Variants in RHBDD1 observed in about 807,000 individuals in gnomAD.
The protein encoded by RHBDD1 is rhomboid domain containing 1, also known as rhomboid-related protein 4.
Under a neutral mutation model 36.3 loss-of-function variants are expected in RHBDD1, and 38 were observed. The observed-to-expected ratio is 1.05, with a 90% confidence interval of 0.81 to 1.37. The LOEUF (loss-of-function observed/expected upper bound fraction) is 1.37, where lower values mean the gene tolerates loss of function less well. Ranked by LOEUF, RHBDD1 falls within the 40% of genes most tolerant of loss-of-function variation. The pLI is 0.00. For synonymous variants in RHBDD1, 151 were observed against 136.5 expected (o/e 1.11, Z -0.74); for missense variants, 393 against 377.6 (o/e 1.04, Z -0.34).
intron 8 of RHBDD1, among the ~76,000 whole-genome samples, chr2:226,990,886 T>G (rs1559361511): frequency 1.3e-5 from 2 of 152,290 alleles, no homozygotes; most frequent in Non-Finnish European, 2.9e-5. Context: ...ACTCATATTC[T>G]CTACCAAGTT....
chr2:226,862,849 A>T (rs1006391910), intron 3 of RHBDD1, among the ~76,000 whole-genome samples: 4 of 152,214 alleles, frequency 2.6e-5, no homozygotes, highest in African/African-American at 9.7e-5. Flanking sequence ...GGGAGCTAGC[A>T]TGTGCAGAGA....
Position 226,859,266 on chromosome 2 carries a change from T to C in RHBDD1, c.-90-5338T>C, listed in dbSNP as rs374975727. 2.6e-4 allele frequency among the ~76,000 whole-genome samples: 40 copies of C among 152,194 alleles called. No individual in the cohort carries two copies. In the South Asian group the frequency reaches 8.3e-3, roughly 32 times the overall value. ...TTTTTGGCGGGAGTGGGGTGGGAAA[T>C]GGATGATTGTGTCAGCACTGAACAT... On this transcript the variant is annotated intron_variant, in intron 3 of 8. Transcript: ENST00000392062.
intron 8 of RHBDD1, among the ~76,000 whole-genome samples, chr2:226,922,160 C>T (rs1380348055): frequency 1.3e-5 from 2 of 150,806 alleles, no homozygotes; most frequent in African/African-American, 4.9e-5. Flanking sequence ...CATAGCTACT[C>T]CTGTTCTTTA....
At chr2:226,907,145 A>G (rs932638358) in intron 6 of RHBDD1, 7 of 520,536 alleles carry the variant, frequency 1.3e-5, no homozygotes, top group Admixed American at 9.7e-5. Flanking sequence ...CCTTAATGCT[A>G]CCCGCAGAAA....
the RHBDD1 span, among the ~76,000 whole-genome samples, chr2:226,826,304 A>G: frequency 6.6e-6 from 1 of 152,182 alleles, no homozygotes; most frequent in Non-Finnish European, 1.5e-5. Flanking sequence ...GTGTAACACA[A>G]ATTATTTTAT....
At chr2:226,908,624 C>A in intron 6 of RHBDD1, 198 bp from the exon 7 acceptor site, 1 of 552,316 alleles carries the variant, frequency 1.8e-6, no homozygotes, top group South Asian at 2.2e-5. Context: ...CACACACATT[C>A]TTTTCCCTGT....
intron 8 of RHBDD1, among the ~76,000 whole-genome samples, chr2:226,960,843 C>T (rs1452983254): frequency 6.6e-6 from 1 of 152,104 alleles, no homozygotes; most frequent in African/African-American, 2.4e-5. Context: ...GTCAGAGATT[C>T]GAGTATCTGG....
chr2:226,810,708 C>T, the RHBDD1 span, among the ~76,000 whole-genome samples: 3 of 151,990 alleles, frequency 2.0e-5, no homozygotes, highest in Non-Finnish European at 4.4e-5. Context: ...CTTGGTCTTG[C>T]TGTCTCAGTG....
chr2:226,832,148 C>T (rs930998233), upstream of RHBDD1, among the ~76,000 whole-genome samples: 2 of 152,026 alleles, frequency 1.3e-5, no homozygotes, highest in East Asian at 1.9e-4. Flanking sequence ...GGACTAAATA[C>T]CCTTTTGATC....
the RHBDD1 span, among the ~76,000 whole-genome samples, chr2:226,815,047 G>T: frequency 6.6e-6 from 1 of 152,220 alleles, no homozygotes; most frequent in East Asian, 1.9e-4. Context: ...GGAGCTGCCT[G>T]CAATCTGGCC....
At chr2:226,892,024 C>T (rs1258314241) in intron 5 of RHBDD1, among the ~76,000 whole-genome samples, 1 of 152,218 alleles carries the variant, frequency 6.6e-6, no homozygotes, top group Non-Finnish European at 1.5e-5. Flanking sequence ...GTTTCTTTGA[C>T]TGTGACACTG....
chr2:226,920,229 T>C (rs1949213677), intron 8 of RHBDD1, among the ~76,000 whole-genome samples: 1 of 152,128 alleles, frequency 6.6e-6, no homozygotes, highest in Admixed American at 6.5e-5. Context: ...GCTGCTGACT[T>C]TTGTATGTTG....
chr2:226,823,334 A>T, the RHBDD1 span, among the ~76,000 whole-genome samples: 1 of 152,212 alleles, frequency 6.6e-6, no homozygotes, highest in Non-Finnish European at 1.5e-5. Context: ...GCATTTTGTT[A>T]TAAAAGTCCA....
intron 7 of RHBDD1, among the ~76,000 whole-genome samples, chr2:226,913,345 A>T (rs745817513): frequency 6.6e-6 from 1 of 152,328 alleles, no homozygotes; most frequent in Non-Finnish European, 1.5e-5. Flanking sequence ...GAAGAGAAAA[A>T]ATCAAACAGA....
intron 3 of RHBDD1, among the ~76,000 whole-genome samples, chr2:226,854,842 CAT>C (rs1388487243): frequency 1.3e-5 from 2 of 152,106 alleles, no homozygotes; most frequent in Admixed American, 6.5e-5. Context: ...GGGGGCACAA[CAT>C]AGTGAAATTG....
intron 8 of RHBDD1, among the ~76,000 whole-genome samples, chr2:226,982,425 A>T (rs936044093): frequency 2.6e-5 from 4 of 152,238 alleles, no homozygotes; most frequent in African/African-American, 9.6e-5. Context: ...ACCTGTAGTT[A>T]TATACTAATC....
At chr2:226,858,329 A>G (rs1943526969) in intron 3 of RHBDD1, among the ~76,000 whole-genome samples, 1 of 152,220 alleles carries the variant, frequency 6.6e-6, no homozygotes, top group African/African-American at 2.4e-5. Flanking sequence ...GAAAAAACAT[A>G]CAATTTAAGA....
At chr2:226,964,039 G>C (rs1471708334) in intron 8 of RHBDD1, among the ~76,000 whole-genome samples, 2 of 152,022 alleles carry the variant, frequency 1.3e-5, no homozygotes, top group Non-Finnish European at 2.9e-5. Context: ...TGTGTCTTCA[G>C]CCTCTCAGTC....
intron 3 of RHBDD1, among the ~76,000 whole-genome samples, chr2:226,842,337 T>C (rs1035263558): frequency 6.6e-6 from 1 of 152,222 alleles, no homozygotes; most frequent in African/African-American, 2.4e-5. Context: ...CAATTGCTTT[T>C]GGTGTTTTCA....
Sources: allele counts gnomAD v4.1 joint callset (sites outside exome capture counted in the v4.1 genomes callset), GRCh38; gene constraint gnomAD v4.1.1; transcripts MANE v1.5; gene names NCBI Gene and HGNC (gene_info 2026-07-23, HGNC 2026-07-21).